Variants in ZC3H12C observed in about 807,000 individuals in gnomAD.
ZC3H12C encodes the protein probable ribonuclease ZC3H12C.
Under a neutral mutation model 76.3 loss-of-function variants are expected in ZC3H12C, and 20 were observed. The observed-to-expected ratio is 0.26, with a 90% CI of 0.18 to 0.38. The LOEUF is 0.38. Ranked by LOEUF, ZC3H12C falls within the 10% of genes least tolerant of loss-of-function variation. ZC3H12C has a pLI of 1.00. For synonymous variants in ZC3H12C, 352 were observed against 399.6 expected, an observed-to-expected ratio of 0.88 and a Z score of 1.42; for missense variants, 874 against 1,086.5, an observed-to-expected ratio of 0.80 and a Z score of 2.75.
Position 110,165,470 on chromosome 11 carries a change from G to C in ZC3H12C, c.2385G>C (p.Leu795Phe), listed in dbSNP as rs776649585. ...ATGGGTACCGGCAGACTTATTCCTT[G>C]CCCGATAACTCCACACAGCCGTGTT... The part of the protein sequence containing the change: ...DAYGYRQTYS[L>F]PDNSTQPCYE... Residue 795 changes from leucine (L) to phenylalanine (F), a missense_variant, in exon 6 of 6, where the codon TTG becomes TTC. Physicochemically the swap from Leu to Phe is conservative, Grantham distance 22. Coordinates refer to ENST00000278590, the MANE Select transcript of ZC3H12C (RefSeq NM_033390.2). 1 of 1,613,978 alleles carries C rather than the reference G, an allele frequency of 6.2e-7. No individual in the cohort carries two copies. The highest frequency in any genetic ancestry group is 8.5e-7 in the Non-Finnish European group (1 of 1,179,888).
chr11:110,135,743 A>C (rs1452635807), intron 1 of ZC3H12C: 2 of 152,028 alleles, frequency 1.3e-5, no homozygotes, highest in Non-Finnish European at 2.9e-5. Flanking sequence ...TTAATCTGAC[A>C]TAATACAGGA....
intron 1 of ZC3H12C, among the ~76,000 whole-genome samples, chr11:110,122,313 A>G (rs536774880): frequency 6.6e-6 from 1 of 152,328 alleles, no homozygotes; most frequent in South Asian, 2.1e-4. Context: ...TATCTTATGT[A>G]GACATTTTCT....
intron 1 of ZC3H12C, among the ~76,000 whole-genome samples, chr11:110,111,657 A>G (rs1424733827): frequency 6.6e-6 from 1 of 151,008 alleles, no homozygotes. Flanking sequence ...CAGCTTCCCA[A>G]GTAGCTGGGA....
At chr11:110,096,812 G>A (rs559514098) in intron 1 of ZC3H12C, among the ~76,000 whole-genome samples, 1 of 152,308 alleles carries the variant, frequency 6.6e-6, no homozygotes, top group East Asian at 1.9e-4. Flanking sequence ...TGTCTGGCCA[G>A]GTAAGTTGAA....
intron 2 of ZC3H12C, among the ~76,000 whole-genome samples, chr11:110,140,205 G>C (rs1259642386): frequency 6.6e-6 from 1 of 152,026 alleles, no homozygotes; most frequent in Non-Finnish European, 1.5e-5. Context: ...TGGGAGGATG[G>C]AACGAGCCTG....
In ZC3H12C at chr11:110,140,164, T is replaced by G. The variant is rs116156778; in HGVS notation, c.773+2750T>G. 7.5e-3 allele frequency among the ~76,000 whole-genome samples: 1,144 copies of G among 152,064 alleles called. 18 individuals are homozygous for G. The highest frequency in any genetic ancestry group is 0.026 in the African/African-American group (1,081 of 41,468). On this transcript the variant is annotated intron_variant, in intron 2 of 5. Coordinates refer to ENST00000278590, the MANE Select transcript of ZC3H12C (RefSeq NM_033390.2). ...TAAAAATACAAAAATGAGCTGGATATGGTGGTGCATGCCTACATGGGAGGC... is the reference window on the plus strand; with the variant it reads ...TAAAAATACAAAAATGAGCTGGATAGGGTGGTGCATGCCTACATGGGAGGC...
Position 110,164,991 on chromosome 11 carries a change from A to C in ZC3H12C, c.1906A>C (p.Ser636Arg). 1 of 1,614,008 alleles carries C rather than the reference A, an allele frequency of 6.2e-7. No individual in the cohort carries two copies. The highest frequency in any genetic ancestry group is 8.5e-7 in the Non-Finnish European group (1 of 1,179,880). Residue 636 changes from serine to arginine, a missense_variant, in exon 6 of 6, where the codon AGC becomes CGC. Transcript: ENST00000278590. The surrounding 1 kb of genome is among the most constrained non-coding windows in gnomAD (Gnocchi z 5.7). Reference sequence around the variant, plus strand: ...CAGTGAAGGGAGCATGAGCTGTGGGAGCAGTGACTCCTACGTGGGTTACAA... The same window carrying C: ...CAGTGAAGGGAGCATGAGCTGTGGGCGCAGTGACTCCTACGTGGGTTACAA... ...CSSEGSMSCG[S>R]SDSYVGYNDR...
At chr11:110,119,642 C>T (rs1861618476) in intron 1 of ZC3H12C, among the ~76,000 whole-genome samples, 1 of 152,130 alleles carries the variant, frequency 6.6e-6, no homozygotes, top group Non-Finnish European at 1.5e-5. Context: ...ATACCTTACA[C>T]TGGGTAATTT....
At chr11:110,117,392 T>C (rs1267067640) in intron 1 of ZC3H12C, among the ~76,000 whole-genome samples, 1 of 152,122 alleles carries the variant, frequency 6.6e-6, no homozygotes, top group East Asian at 1.9e-4. Context: ...AAATCTTTTA[T>C]GTAGGAGAAA....
intron 2 of ZC3H12C, among the ~76,000 whole-genome samples, chr11:110,142,571 T>A (rs1374115804): frequency 6.6e-6 from 1 of 152,194 alleles, no homozygotes; most frequent in East Asian, 1.9e-4. Flanking sequence ...TTTTTTCCTT[T>A]CCTTTTTCCT....
Position 110,147,853 on chromosome 11 carries a change from G to A in ZC3H12C, c.774-5066G>A, listed in dbSNP as rs558941366. ...CTGCCTCCGTAGCTGTGTTTTGCAT[G>A]TTCTGTTTAGGGAAGTTTTGGAGAA... On this transcript the variant is annotated intron_variant, in intron 2 of 5. Transcript: ENST00000278590. Among the ~76,000 whole-genome samples, 20 of 152,250 alleles carry A rather than the reference G, an allele frequency of 1.3e-4. No homozygotes were observed. In the South Asian group the frequency reaches 4.2e-3, roughly 32 times the overall value.
chr11:110,159,033 G>A (rs1278139798), intron 3 of ZC3H12C, among the ~76,000 whole-genome samples: 2 of 77,492 alleles, frequency 2.6e-5, no homozygotes, highest in African/African-American at 3.4e-5. Context: ...TATACTGTTC[G>A]TATTTTTTTA....
rs776373695 is a variant in ZC3H12C at position 110,136,656 on chromosome 11, T to TC, written c.22-6dup. On this transcript the variant is annotated splice_polypyrimidine_tract_variant and splice_region_variant and intron_variant, in intron 1 of 5. Transcript: ENST00000278590. ...TGAAATTCTAAATATTTTACATTTT[T>TC]CTCTAGGAATACGGGGTGCTTTGCA... 20 of 1,600,290 alleles carry TC rather than the reference T, an allele frequency of 1.2e-5. No homozygotes were observed. Among genetic ancestry groups the TC allele is most frequent in the Non-Finnish European group, 1.6e-5 (19 of 1,174,898 alleles).
rs143466304 is a variant in ZC3H12C, at chr11:110,169,339, G to GGTGTGTGTGTGTGTGT, written c.*3629_*3644dup. 1.1e-4 allele frequency: 16 copies of GGTGTGTGTGTGTGTGT among 146,364 alleles called. No homozygotes were observed. The highest frequency in any genetic ancestry group is 3.3e-4 in the African/African-American group (13 of 39,550). The allele number at this position is 146,364 out of a possible 1,614,324, so 9.1% of individuals were successfully genotyped here. A position where few individuals can be genotyped will look rare whatever the true frequency, so the allele number is the denominator to read the frequency against. The stretch of plus-strand genomic sequence containing the variant: ...TGTGACAGGTGGGAGGATGGCTCTG[G>GGTGTGTGTGTGTGTGT]GTGTGTGTGTGTGTGTGTGTGTGTG... On this transcript the variant is annotated 3_prime_UTR_variant, in exon 6 of 6. Coordinates refer to ENST00000278590, the MANE Select transcript of ZC3H12C (RefSeq NM_033390.2).
chr11:110,125,571 G>A, intron 1 of ZC3H12C, among the ~76,000 whole-genome samples: 1 of 152,126 alleles, frequency 6.6e-6, no homozygotes, highest in Non-Finnish European at 1.5e-5. Flanking sequence ...GCCCGCCTTG[G>A]CCTCCCGAAG....
chr11:110,108,115 T>TTTTTG (rs1242147519), intron 1 of ZC3H12C, among the ~76,000 whole-genome samples: 2 of 152,088 alleles, frequency 1.3e-5, no homozygotes, highest in African/African-American at 4.8e-5. Context: ...ACCTGGCTTT[T>TTTTTG]TTTTGTTTTG....
At chr11:110,097,265 C>T (rs558566094) in intron 1 of ZC3H12C, among the ~76,000 whole-genome samples, 27 of 152,236 alleles carry the variant, frequency 1.8e-4, no homozygotes, top group Middle Eastern at 3.4e-3. Context: ...ATTCTTATGC[C>T]CAGTAATGTA....
intron 2 of ZC3H12C, among the ~76,000 whole-genome samples, chr11:110,149,654 C>A (rs1049304617): frequency 6.6e-6 from 1 of 152,164 alleles, no homozygotes; most frequent in Non-Finnish European, 1.5e-5. Context: ...TATTGAACAT[C>A]TTTTCCTATG....
chr11:110,152,842 TTC>T lies in ZC3H12C; in HGVS notation c.774-75_774-74del, dbSNP rs1862299769. 10 of 1,496,594 alleles carry T rather than the reference TTC, an allele frequency of 6.7e-6. No individual in the cohort carries two copies. The South Asian group carries it at 7.3e-5, about 11-fold the overall frequency. 92.7% of individuals were successfully genotyped at this position (1,496,594 alleles called of 1,614,324 possible). A position where few individuals can be genotyped will look rare whatever the true frequency, so the allele number is the denominator to read the frequency against. On this transcript the variant is annotated intron_variant, in intron 2 of 5. Coordinates refer to ENST00000278590, the MANE Select transcript of ZC3H12C (RefSeq NM_033390.2). ...ATTACTGTTGTAACTATGTAATACTTTCTGTTTATAAACTTGAATTAATTTAC... is the reference window on the plus strand; with the variant it reads ...ATTACTGTTGTAACTATGTAATACTTTGTTTATAAACTTGAATTAATTTAC...
Sources: allele counts gnomAD v4.1 joint callset (sites outside exome capture counted in the v4.1 genomes callset), GRCh38; gene constraint gnomAD v4.1.1; non-coding constraint Gnocchi (gnomAD v3.1); transcripts MANE v1.5; gene names NCBI Gene and HGNC (gene_info 2026-07-23, HGNC 2026-07-21).